Variants in MDM1 observed in about 807,000 individuals in gnomAD.
MDM1 encodes stabilizer of axonemal microtubules 6, also known as Mdm1 nuclear protein.
Under a neutral mutation model 89.1 loss-of-function variants are expected in MDM1, and 61 were observed. The observed-to-expected ratio is 0.68, with a 90% CI of 0.56 to 0.85. The LOEUF (loss-of-function observed/expected upper bound fraction) is 0.85, where lower values mean the gene tolerates loss of function less well. Ranked by LOEUF, MDM1 falls within the 40% of genes least tolerant of loss-of-function variation. The pLI is 0.00. For missense variants in MDM1, 820 were observed against 846.5 expected, an observed-to-expected ratio of 0.97 and a Z score of 0.39; for synonymous variants, 290 against 294.1, an observed-to-expected ratio of 0.99 and a Z score of 0.14.
rs148344415 is a variant in MDM1 at position 68,321,571 on chromosome 12, G to T, written c.859C>A (p.His287Asn). Residue 287 changes from histidine (H) to asparagine (N), a missense_variant, in exon 6 of 15, where the codon CAC (histidine) becomes AAC (asparagine). Coordinates refer to ENST00000682720, the MANE Select transcript of MDM1 (RefSeq NM_001354969.2). ...LEAEMELKDLHQPKRKLTPWK... is the reference protein window; with the variant it reads ...LEAEMELKDLNQPKRKLTPWK... ...GGAGTAAGCTTCCTTTTAGGCTGGT[G>T]TAAGTCTTTTAATTCCATCTCTGCT... 5 of 1,613,092 alleles carry T rather than the reference G, an allele frequency of 3.1e-6. No homozygotes were observed. The East Asian group carries it at 6.7e-5, about 22-fold the overall frequency.
chr12:68,316,712 C>A, intron 7 of MDM1, 102 bp from the exon 8 acceptor site: 1 of 904,326 alleles, frequency 1.1e-6, no homozygotes, highest in South Asian at 1.6e-5. Flanking sequence ...TAAATATCTA[C>A]CAAACTTGTC....
chr12:68,310,846 T>C (rs922835369), intron 12 of MDM1, among the ~76,000 whole-genome samples: 10 of 152,212 alleles, frequency 6.6e-5, no homozygotes, highest in African/African-American at 2.4e-4. Context: ...ACCTTTTCTC[T>C]GAATGTTCTC....
intron 2 of MDM1, chr12:68,330,826 A>C: frequency 2.8e-6 from 1 of 353,502 alleles, no homozygotes; most frequent in Non-Finnish European, 5.1e-6. Context: ...TTAGCTTTCA[A>C]TATTTAACTT....
At chr12:68,301,869 G>C (rs1436305810) in intron 13 of MDM1, among the ~76,000 whole-genome samples, 2 of 151,932 alleles carry the variant, frequency 1.3e-5, no homozygotes, top group African/African-American at 2.4e-5. Context: ...ACAGAGACAG[G>C]GTTTCATCAT....
chr12:68,316,469 CAGGG>C, intron 8 of MDM1, 108 bp downstream of exon 8: 1 of 990,238 alleles, frequency 1.0e-6, no homozygotes, highest in East Asian at 2.6e-5. Context: ...GACCAGCAGG[CAGGG>C]AGAAATTCAT....
intron 4 of MDM1, among the ~76,000 whole-genome samples, chr12:68,324,609 A>C (rs11177166): frequency 0.74 from 112,834 of 151,990 alleles, 42,501 homozygotes; most frequent in African/African-American, 0.85. Context: ...CGGCTATACA[A>C]AATATACAAG....
At chr12:68,307,812 G>A (rs1234345667) in intron 12 of MDM1, among the ~76,000 whole-genome samples, 2 of 151,536 alleles carry the variant, frequency 1.3e-5, no homozygotes, top group African/African-American at 4.8e-5. Flanking sequence ...GCCACAGGTG[G>A]CTATAGTCTC....
intron 10 of MDM1, 109 bp from the exon 11 acceptor site, chr12:68,313,862 C>A: frequency 2.1e-6 from 2 of 950,864 alleles, no homozygotes; most frequent in Non-Finnish European, 3.2e-6. Context: ...TTGTAAGAGG[C>A]CAGGCGCGGT....
chr12:68,327,243 A>C, intron 2 of MDM1: 1 of 1,407,576 alleles, frequency 7.1e-7, no homozygotes. Flanking sequence ...TTTGACCATA[A>C]CAAAAAATTA....
Position 68,295,233 on chromosome 12 carries a change from A to C in MDM1, c.*21T>G. 6.6e-7 allele frequency: 1 copy of C among 1,526,386 alleles called. No homozygotes were observed. The highest frequency in any genetic ancestry group is 9.0e-7 in the Non-Finnish European group (1 of 1,113,500). The allele number at this position is 1,526,386 out of a possible 1,614,324, so 94.6% of individuals were successfully genotyped here. ...AAAAATTATGCCAATGTTTCCTTAG[A>C]TAAAGGCAACTCAGCTAGGTTTATG... is the stretch of plus-strand genomic sequence containing the variant. On this transcript the variant is annotated 3_prime_UTR_variant, in exon 15 of 15. Transcript: ENST00000682720.
rs1288503927 is a variant in MDM1, at chr12:68,302,679, T to C, written c.1943A>G (p.Tyr648Cys). The C allele has an allele frequency of 1.9e-6, 3 of 1,613,658 alleles. No individual in the cohort carries two copies. Among genetic ancestry groups the C allele is most frequent in the Admixed American group, 1.7e-5 (1 of 59,984 alleles). The change falls in exon 13 of 15, where the codon TAC (tyrosine) becomes TGC (cysteine). Residue 648 changes from tyrosine (Y) to cysteine (C), a missense_variant. Coordinates refer to ENST00000682720, the MANE Select transcript of MDM1 (RefSeq NM_001354969.2). ...QLPSPPHVPS[Y>C]WHPSRRIQGS... is the part of the protein sequence containing the mutation. ...CTGAATTCGTCGAGAGGGATGCCAGTAGGATGGAACATGTGGTGGAGAAGG... is the reference window on the plus strand; with the variant it reads ...CTGAATTCGTCGAGAGGGATGCCAGCAGGATGGAACATGTGGTGGAGAAGG...
At position 68,321,560 on chromosome 12, in the gene MDM1, T is replaced by C. The variant is rs748929577; in HGVS notation, c.870A>G (p.Lys290=). 1.2e-6 allele frequency: 2 copies of C among 1,613,448 alleles called. No homozygotes were observed. Among genetic ancestry groups the C allele is most frequent in the Middle Eastern group, 1.7e-4 (1 of 5,920 alleles). ...EMELKDLHQP[K]RKLTPWKHQR... Reference sequence around the variant, plus strand: ...GATGTTTCCAAGGAGTAAGCTTCCTTTTAGGCTGGTGTAAGTCTTTTAATT... The same window carrying C: ...GATGTTTCCAAGGAGTAAGCTTCCTCTTAGGCTGGTGTAAGTCTTTTAATT... Residue 290 remains lysine, a synonymous_variant, in exon 6 of 15, where the codon AAA becomes AAG. Transcript: ENST00000682720.
rs746650155 is a variant in MDM1, at chr12:68,326,822, T to C, written c.333A>G (p.Glu111=). Residue 111 remains glutamate (E), a synonymous_variant, in exon 3 of 15, where the codon GAA becomes GAG. Transcript: ENST00000682720. ...TGGTTCTTTTGGGAACCCTGGAAGCTTCTAGTGAGTGAACTCTTTCTTGAG... is the reference window on the plus strand; with the variant it reads ...TGGTTCTTTTGGGAACCCTGGAAGCCTCTAGTGAGTGAACTCTTTCTTGAG... ...DVTQERVHSL[E]ASRVPKRTRS... 4 of 1,613,922 alleles carry C rather than the reference T, an allele frequency of 2.5e-6. No individual in the cohort carries two copies. Among genetic ancestry groups the C allele is most frequent in the Non-Finnish European group, 3.4e-6 (4 of 1,179,856 alleles).
chr12:68,298,065 T>A (rs6581809), intron 13 of MDM1, among the ~76,000 whole-genome samples: 59,888 of 151,882 alleles, frequency 0.39, 12,321 homozygotes, highest in African/African-American at 0.45. Flanking sequence ...GAAAGCTCAA[T>A]TACCACTGCT....
chr12:68,303,994 T>C (rs1000044607), intron 12 of MDM1, among the ~76,000 whole-genome samples: 1 of 152,156 alleles, frequency 6.6e-6, no homozygotes, highest in South Asian at 2.1e-4. Context: ...TCCTAGCAAT[T>C]TGGGATACTT....
chr12:68,327,263 G>A, intron 2 of MDM1: 2 of 1,402,268 alleles, frequency 1.4e-6, no homozygotes, highest in Non-Finnish European at 1.8e-6. Context: ...AAAAATCAGG[G>A]GGTCACAAAA....
Position 68,302,881 on chromosome 12 carries a change from C to CAAAAAAAA in MDM1, c.1750-17_1750-10dup, listed in dbSNP as rs35426557. On this transcript the variant is annotated splice_polypyrimidine_tract_variant and intron_variant, in intron 12 of 14. Transcript: ENST00000682720. ...ACAGCACGACTTTCTTTCTAAATGA[C>CAAAAAAAA]AAAAAAAAAAAAAAAAAAAAGATGC... 14 of 1,105,764 alleles carry CAAAAAAAA rather than the reference C, an allele frequency of 1.3e-5. No homozygotes were observed. Among genetic ancestry groups the CAAAAAAAA allele is most frequent in the East Asian group, 6.6e-5 (2 of 30,346 alleles). 68.5% of individuals were successfully genotyped at this position (1,105,764 alleles called of 1,614,324 possible).
In MDM1 at chr12:68,323,089, A is replaced by T; in HGVS notation, c.785T>A (p.Val262Glu). Residue 262 changes from valine (V) to glutamate (E), a missense_variant, in exon 5 of 15, where the codon GTG becomes GAG. Physicochemically the swap from Val to Glu is moderately radical, Grantham distance 121. Coordinates refer to ENST00000682720, the MANE Select transcript of MDM1 (RefSeq NM_001354969.2). ...GATGAATACCTTCCTTTCAGGAGACACTGTTTCAAGATTTCTGTTTTCTCT... is the reference window on the plus strand; with the variant it reads ...GATGAATACCTTCCTTTCAGGAGACTCTGTTTCAAGATTTCTGTTTTCTCT... ...DLRENRNLET[V>E]SPERKSNKID... 6.2e-7 allele frequency: 1 copy of T among 1,606,642 alleles called. No homozygotes were observed. The highest frequency in any genetic ancestry group is 8.5e-7 in the Non-Finnish European group (1 of 1,177,880).
chr12:68,317,352 A>AT (rs1839755626), intron 7 of MDM1, among the ~76,000 whole-genome samples: 1 of 152,022 alleles, frequency 6.6e-6, no homozygotes, highest in Non-Finnish European at 1.5e-5. Context: ...AAAAACACTA[A>AT]TTTTTTAAAT....
Sources: gnomAD v4.1 joint callset for allele counts (sites outside exome capture counted in the v4.1 genomes callset) on GRCh38, gnomAD v4.1.1 for gene constraint, MANE v1.5 for transcripts, NCBI Gene and HGNC (gene_info 2026-07-23, HGNC 2026-07-21) for gene names.